EFEMP2: variants seen among roughly 807,000 people sequenced by gnomAD.
EFEMP2 encodes EGF-like fibulin extracellular matrix protein 2, also known as EGF-containing fibulin-like extracellular matrix protein 2.
In EFEMP2, 21 loss-of-function variants were observed where a neutral mutation model predicts 55.3. The observed-to-expected ratio is 0.38, with a 90% CI of 0.27 to 0.55. The LOEUF is 0.55. Among genes scored for constraint, EFEMP2 ranks in the 20% least tolerant of loss-of-function variants. EFEMP2 has a pLI of 0.77. For missense variants in EFEMP2, 513 were observed against 615.1 expected, an observed-to-expected ratio of 0.83 and a Z score of 1.76; for synonymous variants, 275 against 242.3, an observed-to-expected ratio of 1.14 and a Z score of -1.25.
At position 65,871,171 on chromosome 11, in the gene EFEMP2, T is replaced by G; in HGVS notation, c.353A>C (p.Gln118Pro). 1 of 1,614,192 alleles carries G rather than the reference T, an allele frequency of 6.2e-7. No individual in the cohort carries two copies. The highest frequency in any genetic ancestry group is 2.2e-5 in the East Asian group (1 of 44,888). Reference protein sequence around the residue: ...PCPPGYEPDDQDSCVDVDECA... With the variant: ...PCPPGYEPDDPDSCVDVDECA... ...TCCCCACTCACCCACACAGCTGTCCTGATCGTCGGGCTCATAGCCTGGTGG... is the reference window on the plus strand; with the variant it reads ...TCCCCACTCACCCACACAGCTGTCCGGATCGTCGGGCTCATAGCCTGGTGG... The change falls in exon 4 of 11, where the codon CAG (glutamine) becomes CCG (proline). Residue 118 changes from glutamine (Q) to proline (P), a missense_variant. Physicochemically the swap from Gln to Pro is moderately conservative, Grantham distance 76. Transcript: ENST00000307998.
chr11:65,867,854 A>G lies in EFEMP2; in HGVS notation c.1170+7T>C, dbSNP rs1859884669. The G allele has an allele frequency of 6.2e-7, 1 of 1,613,830 alleles. No individual in the cohort carries two copies. The highest frequency in any genetic ancestry group is 8.5e-7 in the Non-Finnish European group (1 of 1,179,904). ...TGCATGTCAGTTGAGGGTTGCAGAA[A>G]CCTTACCCTAATGTAAAAGTCCCCC... On this transcript the variant is annotated splice_region_variant and intron_variant, in intron 10 of 10. Coordinates refer to ENST00000307998, the MANE Select transcript of EFEMP2 (RefSeq NM_016938.5).
intron 3 of EFEMP2, chr11:65,871,619 C>T (rs543751617): frequency 6.7e-5 from 40 of 600,192 alleles, no homozygotes; most frequent in Non-Finnish European, 1.2e-4. Flanking sequence ...GGCCCTAGCC[C>T]TAGCTCAGCC....
At chr11:65,868,955 A>G in intron 7 of EFEMP2, 2 of 380,194 alleles carry the variant, frequency 5.3e-6, no homozygotes, top group South Asian at 2.1e-5. Flanking sequence ...GTTAGACTAG[A>G]TGAGTCTTAT....
chr11:65,867,646 G>C, intron 10 of EFEMP2: 1 of 620,872 alleles, frequency 1.6e-6, no homozygotes, highest in Non-Finnish European at 2.9e-6. Flanking sequence ...CCAGTACCAG[G>C]ACTCAAACTC....
rs760174107 is a variant in EFEMP2 at position 65,869,969 on chromosome 11, G to A, written c.615C>T (p.Asn205=). 1.7e-5 allele frequency: 28 copies of A among 1,613,760 alleles called. No homozygotes were observed. The highest frequency in any genetic ancestry group is 1.1e-4 in the East Asian group (5 of 44,900). The change falls in exon 7 of 11, where the codon AAC becomes AAT. Residue 205 remains asparagine (N), a synonymous_variant. Coordinates refer to ENST00000307998, the MANE Select transcript of EFEMP2 (RefSeq NM_016938.5). ...GPNNRSCVDV[N]ECDMGAPCEQ... Reference sequence around the variant, plus strand: ...CGCATGGGGCCCCCATGTCACACTCGTTCACATCTGGGGGTGCCAGGAAAA... The same window carrying A: ...CGCATGGGGCCCCCATGTCACACTCATTCACATCTGGGGGTGCCAGGAAAA...
rs1371204306 is a variant in EFEMP2 at position 65,871,206 on chromosome 11, G to A, written c.318C>T (p.Pro106=). Residue 106 remains proline (P), a synonymous_variant, in exon 4 of 11, where the codon CCC becomes CCT. Transcript: ENST00000307998. ...GCTCATAGCCTGGTGGGCAGGGGTT[G>A]GGGTGTTGAGCGGGAGGCACTGGTG... The part of the protein sequence containing the change: ...PPPPVPPAQH[P]NPCPPGYEPD... 5.6e-6 allele frequency: 9 copies of A among 1,614,220 alleles called. No homozygotes were observed. Among genetic ancestry groups the A allele is most frequent in the Admixed American group, 1.7e-5 (1 of 60,032 alleles).
chr11:65,868,427 C>G lies in EFEMP2; in HGVS notation c.848-6G>C. The G allele has an allele frequency of 6.2e-7, 1 of 1,613,898 alleles. No homozygotes were observed. Among genetic ancestry groups the G allele is most frequent in the Non-Finnish European group, 8.5e-7 (1 of 1,180,016 alleles). ...AGACTCACACTCATCAATGTCTGTG[C>G]CAGGGGAGAGGGGCTGGAATCGGGG... On this transcript the variant is annotated splice_region_variant and splice_polypyrimidine_tract_variant and intron_variant, in intron 8 of 10. Coordinates refer to ENST00000307998, the MANE Select transcript of EFEMP2 (RefSeq NM_016938.5).
rs765059134 is a variant in EFEMP2, at chr11:65,866,673, G to A, written c.*245C>T. On this transcript the variant is annotated 3_prime_UTR_variant, in exon 11 of 11. Coordinates refer to ENST00000307998, the MANE Select transcript of EFEMP2 (RefSeq NM_016938.5). ...CCTCTCGGGGTGACTGAAGCTCGTG[G>A]TGCAGAGCTCCCAGCTCCTGTCAAT... 1 of 704,984 alleles carries A rather than the reference G, an allele frequency of 1.4e-6. No homozygotes were observed. 43.7% of individuals were successfully genotyped at this position (704,984 alleles called of 1,614,324 possible).
Position 65,869,841 on chromosome 11 carries a change from G to A in EFEMP2, c.727+16C>T, listed in dbSNP as rs752848428. The A allele has an allele frequency of 6.2e-7, 1 of 1,613,674 alleles. No homozygotes were observed. Among genetic ancestry groups the A allele is most frequent in the South Asian group, 1.1e-5 (1 of 91,066 alleles). ...GGGGTCCACAGAGGAGTACACAGCA[G>A]GGATGGAGCTCTCACCACTGCAGGA... On this transcript the variant is annotated intron_variant, in intron 7 of 10. Coordinates refer to ENST00000307998, the MANE Select transcript of EFEMP2 (RefSeq NM_016938.5).
chr11:65,868,056 GC>G lies in EFEMP2; in HGVS notation c.975-1del. 1.9e-6 allele frequency: 3 copies of G among 1,613,554 alleles called. No individual in the cohort carries two copies. The highest frequency in any genetic ancestry group is 2.5e-6 in the Non-Finnish European group (3 of 1,179,868). ...GGTTGGAGGCCGGGCAGAGACAGCG[GC>G]TAGAGACCCCGAGGTGGGGGACACA... On this transcript the variant is annotated splice_acceptor_variant, in intron 9 of 10. Transcript: ENST00000307998. LOFTEE classifies it high-confidence loss of function.
At chr11:65,872,086 G>C in intron 2 of EFEMP2, 68 bp from the exon 3 acceptor site, 2 of 1,543,512 alleles carry the variant, frequency 1.3e-6, no homozygotes, top group Non-Finnish European at 1.8e-6. Context: ...GCCAAGACTA[G>C]GGCCTGAGCC....
chr11:65,868,434 A>G lies in EFEMP2; in HGVS notation c.848-13T>C. The G allele has an allele frequency of 1.2e-6, 2 of 1,613,868 alleles. No homozygotes were observed. On this transcript the variant is annotated splice_polypyrimidine_tract_variant and intron_variant, in intron 8 of 10. Coordinates refer to ENST00000307998, the MANE Select transcript of EFEMP2 (RefSeq NM_016938.5). ...CACTCATCAATGTCTGTGCCAGGGG[A>G]GAGGGGCTGGAATCGGGGGCGTCAG...
At chr11:65,872,219 G>A in intron 2 of EFEMP2, 25 bp downstream of exon 2, 1 of 1,545,314 alleles carries the variant, frequency 6.5e-7, no homozygotes, top group Non-Finnish European at 8.8e-7. Flanking sequence ...TCCTGTCCCA[G>A]GCCAGCGGCC....
At position 65,872,346 on chromosome 11, in the gene EFEMP2, G is replaced by A. The variant is rs1275391141; in HGVS notation, c.9C>T (p.Pro3=). 1.3e-6 allele frequency: 2 copies of A among 1,550,896 alleles called. No homozygotes were observed. The highest frequency in any genetic ancestry group is 2.0e-5 in the Admixed American group (1 of 51,006). The change falls in exon 2 of 11, where the codon CCC becomes CCT. Residue 3 remains proline, a synonymous_variant. Transcript: ENST00000307998. ...GAGACCCGGGTAGGCAGGAGGCGCA[G>A]GGGAGCATCCTGGGGCTGCGAGATG... The part of the protein sequence containing the change: ML[P]CASCLPGSLL...
chr11:65,872,284 G>T lies in EFEMP2; in HGVS notation c.71C>A (p.Ser24Ter). The T allele has an allele frequency of 6.4e-7, 1 of 1,551,712 alleles. No individual in the cohort carries two copies. Among genetic ancestry groups the T allele is most frequent in the Non-Finnish European group, 8.7e-7 (1 of 1,147,004 alleles). ...CTCTTCAGAATCCTGAGGAGAAGCT[G>T]ATCCCAAGAGCAACAGTAGCAGCGC... ...LWALLLLLLG[S>*]ASPQDSEEPD... The change falls in exon 2 of 11, where the codon TCA (serine) becomes TAA (stop). Residue 24 changes from serine (S) to a stop codon, truncating the protein, a stop_gained. Coordinates refer to ENST00000307998, the MANE Select transcript of EFEMP2 (RefSeq NM_016938.5). LOFTEE classifies it high-confidence loss of function.
chr11:65,867,832 A>C (rs757403341), intron 10 of EFEMP2, 29 bp downstream of exon 10: 1 of 1,612,164 alleles, frequency 6.2e-7, no homozygotes, highest in Admixed American at 1.7e-5. Flanking sequence ...TAGATTGTGC[A>C]TGTCAGTTGA....
In EFEMP2 at chr11:65,872,349, G is replaced by A. The variant is rs1198242126; in HGVS notation, c.6C>T (p.Leu2=). 1.6e-5 allele frequency: 25 copies of A among 1,550,792 alleles called. No individual in the cohort carries two copies. Among genetic ancestry groups the A allele is most frequent in the Non-Finnish European group, 1.9e-5 (22 of 1,146,474 alleles). ...ACCCGGGTAGGCAGGAGGCGCAGGG[G>A]AGCATCCTGGGGCTGCGAGATGGTG... The part of the protein sequence containing the change: M[L]PCASCLPGSL... The change falls in exon 2 of 11, where the codon CTC becomes CTT. Residue 2 remains leucine (L), a synonymous_variant. Transcript: ENST00000307998.
At chr11:65,868,156 C>T in intron 9 of EFEMP2, 100 bp from the exon 10 acceptor site, 3 of 1,560,088 alleles carry the variant, frequency 1.9e-6, no homozygotes, top group Non-Finnish European at 1.7e-6. Flanking sequence ...ACCCTTCTAC[C>T]CCTGTGACTG....
Position 65,872,346 on chromosome 11 carries a change from G to T in EFEMP2, c.9C>A (p.Pro3=). The T allele has an allele frequency of 2.6e-6, 4 of 1,550,896 alleles. No individual in the cohort carries two copies. Among genetic ancestry groups the T allele is most frequent in the Non-Finnish European group, 3.5e-6 (4 of 1,146,498 alleles). ...GAGACCCGGGTAGGCAGGAGGCGCA[G>T]GGGAGCATCCTGGGGCTGCGAGATG... ML[P]CASCLPGSLL... is the part of the protein sequence containing the mutation. Residue 3 remains proline (P), a synonymous_variant, in exon 2 of 11, where the codon CCC becomes CCA. Coordinates refer to ENST00000307998, the MANE Select transcript of EFEMP2 (RefSeq NM_016938.5).
Sources: allele counts gnomAD v4.1 joint callset, GRCh38; gene constraint gnomAD v4.1.1; transcripts MANE v1.5; gene names NCBI Gene and HGNC (gene_info 2026-07-23, HGNC 2026-07-21).